Variants in CFAP299 observed in about 807,000 individuals in gnomAD.
CFAP299 encodes cilia and flagella associated protein 299, also known as cilia- and flagella-associated protein 299.
In CFAP299, 21 loss-of-function variants were observed where a neutral mutation model predicts 27.0. That is an observed-to-expected ratio of 0.78 (90% confidence interval 0.55 to 1.12). The LOEUF (loss-of-function observed/expected upper bound fraction) is 1.12. Ranked by LOEUF, CFAP299 falls within the 50% of genes most tolerant of loss-of-function variation. CFAP299 has a pLI of 0.00. For missense variants in CFAP299, 310 were observed against 276.6 expected (o/e 1.12, Z -0.86); for synonymous variants, 104 against 98.1 (o/e 1.06, Z -0.36).
At chr4:80,788,249 A>G (rs183951432) in intron 3 of CFAP299, among the ~76,000 whole-genome samples, 5 of 152,140 alleles carry the variant, frequency 3.3e-5, no homozygotes, top group Admixed American at 1.3e-4. Context: ...CTTTATTTGT[A>G]CTTTTAGTCC....
intron 2 of CFAP299, among the ~76,000 whole-genome samples, chr4:80,556,779 T>A (rs1439518381): frequency 6.6e-6 from 1 of 152,028 alleles, no homozygotes; most frequent in African/African-American, 2.4e-5. Flanking sequence ...GCCAAAATTA[T>A]GTTTACTCCT....
At chr4:80,470,692 C>T (rs1374170361) in intron 2 of CFAP299, among the ~76,000 whole-genome samples, 1 of 152,102 alleles carries the variant, frequency 6.6e-6, no homozygotes, top group Non-Finnish European at 1.5e-5. Context: ...ACATACTATT[C>T]ATGAAATTCA....
intron 3 of CFAP299, among the ~76,000 whole-genome samples, chr4:80,587,125 T>C (rs916545548): frequency 6.6e-6 from 1 of 152,160 alleles, no homozygotes; most frequent in Non-Finnish European, 1.5e-5. Flanking sequence ...TTTTATAAAA[T>C]GTTCCCTTTA....
intron 3 of CFAP299, among the ~76,000 whole-genome samples, chr4:80,736,138 A>G (rs1340190994): frequency 6.6e-6 from 1 of 152,102 alleles, no homozygotes; most frequent in Admixed American, 6.5e-5. Flanking sequence ...TTGGTGTTTT[A>G]GACATGAAGT....
intron 3 of CFAP299, among the ~76,000 whole-genome samples, chr4:80,680,468 TC>T (rs1719768018): frequency 6.6e-6 from 1 of 152,174 alleles, no homozygotes; most frequent in Non-Finnish European, 1.5e-5. Context: ...CGATACCTTC[TC>T]TAAAATAGCC....
At chr4:80,783,250 A>T (rs1236472457) in intron 3 of CFAP299, among the ~76,000 whole-genome samples, 1 of 152,190 alleles carries the variant, frequency 6.6e-6, no homozygotes, top group African/African-American at 2.4e-5. Flanking sequence ...TTTTATGCTC[A>T]GAAACACTAT....
At chr4:80,890,895 T>C (rs1227530235) in intron 4 of CFAP299, among the ~76,000 whole-genome samples, 1 of 144,332 alleles carries the variant, frequency 6.9e-6, no homozygotes, top group Non-Finnish European at 1.5e-5. Context: ...TTCGCCCACT[T>C]TTTGATGGGG....
At chr4:80,609,510 T>G (rs1050933586) in intron 3 of CFAP299, among the ~76,000 whole-genome samples, 2 of 152,088 alleles carry the variant, frequency 1.3e-5, no homozygotes, top group African/African-American at 4.8e-5. Flanking sequence ...CTCTTTATGT[T>G]GGATTTTTAT....
At chr4:80,386,480 G>A in intron 2 of CFAP299, 8 of 1,542,904 alleles carry the variant, frequency 5.2e-6, no homozygotes, top group East Asian at 2.3e-5. Flanking sequence ...TGCCGCCACG[G>A]CGCGGGGCTG....
At chr4:80,551,243 G>C (rs1380397726) in intron 2 of CFAP299, among the ~76,000 whole-genome samples, 1 of 152,026 alleles carries the variant, frequency 6.6e-6, no homozygotes, top group Admixed American at 6.6e-5. Flanking sequence ...GCCATATTAG[G>C]GTTCTTACAA....
chr4:80,396,104 C>T (rs1327817265), intron 2 of CFAP299, among the ~76,000 whole-genome samples: 1 of 152,056 alleles, frequency 6.6e-6, no homozygotes, highest in African/African-American at 2.4e-5. Context: ...TGTCAGCATT[C>T]TCAATTTGCT....
chr4:80,488,304 TA>T (rs1438489867), intron 2 of CFAP299, among the ~76,000 whole-genome samples: 3 of 151,974 alleles, frequency 2.0e-5, no homozygotes, highest in Admixed American at 1.3e-4. Flanking sequence ...CAATTAAGAG[TA>T]CTGGAATATT....
chr4:80,405,008 C>T (rs1726343492), intron 2 of CFAP299, among the ~76,000 whole-genome samples: 2 of 152,106 alleles, frequency 1.3e-5, no homozygotes, highest in South Asian at 2.1e-4. Context: ...TACATACTGA[C>T]ATATATCGTC....
At chr4:80,837,433 G>C (rs545796944) in intron 3 of CFAP299, among the ~76,000 whole-genome samples, 2 of 151,840 alleles carry the variant, frequency 1.3e-5, no homozygotes, top group Non-Finnish European at 2.9e-5. Context: ...TATCCTTCCC[G>C]TAGCCCCCCA....
chr4:80,424,003 T>C (rs1327033921), intron 2 of CFAP299, among the ~76,000 whole-genome samples: 1 of 152,220 alleles, frequency 6.6e-6, no homozygotes, highest in Non-Finnish European at 1.5e-5. Flanking sequence ...TGCCCCAGAC[T>C]GTCCAAGAAC....
intron 3 of CFAP299, among the ~76,000 whole-genome samples, chr4:80,656,689 T>A (rs1460030033): frequency 1.3e-5 from 2 of 152,198 alleles, no homozygotes; most frequent in African/African-American, 2.4e-5. Context: ...TAAACATACA[T>A]GTGCATGTGT....
At chr4:80,420,423 A>T in intron 2 of CFAP299, 1 of 275,764 alleles carries the variant, frequency 3.6e-6, no homozygotes, top group South Asian at 3.6e-5. Context: ...TATTTTTTTC[A>T]TCACCAACAC....
At chr4:80,792,683 C>T (rs1435047053) in intron 3 of CFAP299, among the ~76,000 whole-genome samples, 1 of 152,092 alleles carries the variant, frequency 6.6e-6, no homozygotes, top group East Asian at 1.9e-4. Flanking sequence ...TCAACAAAGT[C>T]TGTGCTGAGA....
At chr4:80,382,808 C>G (rs1724773866) in intron 2 of CFAP299, among the ~76,000 whole-genome samples, 1 of 152,138 alleles carries the variant, frequency 6.6e-6, no homozygotes, top group Non-Finnish European at 1.5e-5. Flanking sequence ...TCTGACCCAG[C>G]AATCCCATTA....
Sources: gnomAD v4.1 joint callset for allele counts (sites outside exome capture counted in the v4.1 genomes callset) on GRCh38, gnomAD v4.1.1 for gene constraint, MANE v1.5 for transcripts, NCBI Gene and HGNC (gene_info 2026-07-23, HGNC 2026-07-21) for gene names.